The following BABAM2 variants were observed in gnomAD, a reference collection of about 807,000 sequenced individuals.
BABAM2 encodes BRISC and BRCA1-A complex member 2.
A neutral mutation model predicts 54.7 loss-of-function variants in BABAM2; 31 were observed. The observed-to-expected ratio is 0.57, with a 90% CI of 0.43 to 0.77. BABAM2 has a LOEUF of 0.77. BABAM2 is among the 30% of genes least tolerant of loss of function. The pLI is 0.00. For synonymous variants in BABAM2, 167 were observed against 162.9 expected (o/e 1.03, Z -0.19); for missense variants, 364 against 455.8 (o/e 0.80, Z 1.83).
chr2:28,307,311 T>C (rs1055030099), intron 11 of BABAM2, among the ~76,000 whole-genome samples: 1 of 151,906 alleles, frequency 6.6e-6, no homozygotes, highest in Non-Finnish European at 1.5e-5. Context: ...CTGGCCTTAA[T>C]TGGAGTATTT....
intron 2 of BABAM2, among the ~76,000 whole-genome samples, chr2:27,927,672 G>A (rs1037377316): frequency 4.6e-5 from 7 of 152,140 alleles, no homozygotes; most frequent in African/African-American, 1.7e-4. Context: ...AAAGGAAAAT[G>A]AGAAAGTATT....
chr2:27,892,870 G>A (rs1664977572), intron 1 of BABAM2, among the ~76,000 whole-genome samples: 1 of 152,176 alleles, frequency 6.6e-6, no homozygotes, highest in African/African-American at 2.4e-5. Context: ...TTACAAAAAG[G>A]ATGATTTTAG....
rs1015786510 is a variant in BABAM2 at position 28,087,537 on chromosome 2, C to T, written c.571-41734C>T. On this transcript the variant is annotated intron_variant, in intron 6 of 11. Coordinates refer to ENST00000379624, the MANE Select transcript of BABAM2 (RefSeq NM_199191.3). Reference sequence around the variant, plus strand: ...TGAAGCTTCTGGGCCCTCTGTCGTACGAGGGGTTCTCACCGTTTTGCAAGC... The same window carrying T: ...TGAAGCTTCTGGGCCCTCTGTCGTATGAGGGGTTCTCACCGTTTTGCAAGC... 2.1e-4 allele frequency among the ~76,000 whole-genome samples: 32 copies of T among 152,088 alleles called. 1 individual carries two copies. Among genetic ancestry groups the T allele is most frequent in the African/African-American group, 7.0e-4 (29 of 41,424 alleles).
intron 3 of BABAM2, among the ~76,000 whole-genome samples, chr2:27,972,670 CTT>C (rs1422818785): frequency 6.6e-6 from 1 of 151,634 alleles, no homozygotes; most frequent in East Asian, 1.9e-4. Context: ...TCACTGATAA[CTT>C]TTATATTGAT....
At chr2:27,889,335 TC>T (rs1178058605), upstream of BABAM2, among the ~76,000 whole-genome samples, 1 of 152,238 alleles carries the variant, frequency 6.6e-6, no homozygotes, top group East Asian at 1.9e-4. Flanking sequence ...AAGCAACATT[TC>T]AGGACGAATG....
chr2:27,935,396 A>G (rs116105927), intron 3 of BABAM2, among the ~76,000 whole-genome samples: 1,660 of 152,342 alleles, frequency 0.011, 25 homozygotes, highest in African/African-American at 0.038. Context: ...GAGAACTAGA[A>G]TTAGAAGTGG....
chr2:28,272,605 T>C (rs2148166727), intron 10 of BABAM2, among the ~76,000 whole-genome samples: 1 of 152,292 alleles, frequency 6.6e-6, no homozygotes, highest in East Asian at 1.9e-4. Flanking sequence ...AGTCAAGAAT[T>C]GGACAGAACT....
chr2:28,119,789 C>G (rs56016345), intron 6 of BABAM2, among the ~76,000 whole-genome samples: 6,051 of 152,102 alleles, frequency 0.04, 145 homozygotes, highest in South Asian at 0.12. Context: ...CTCAAAATGT[C>G]GCTTTTGGAA....
intron 7 of BABAM2, among the ~76,000 whole-genome samples, chr2:28,220,186 A>T (rs1211269357): frequency 6.6e-6 from 1 of 152,080 alleles, no homozygotes; most frequent in Admixed American, 6.5e-5. Flanking sequence ...GCAGCAGCGG[A>T]ATGTGTGGGT....
upstream of BABAM2, chr2:27,890,415 G>A: frequency 6.9e-7 from 1 of 1,443,262 alleles, no homozygotes; most frequent in Non-Finnish European, 9.5e-7. This position sits in a 1 kb window ranked among gnomAD's most constrained non-coding sequence, Gnocchi z 4.8. Flanking sequence ...AACCAGAGAC[G>A]CCACTCCTGC....
chr2:28,116,932 G>T (rs568123976), intron 6 of BABAM2, among the ~76,000 whole-genome samples: 1 of 152,220 alleles, frequency 6.6e-6, no homozygotes, highest in Non-Finnish European at 1.5e-5. Context: ...TCGTGTAGTT[G>T]TTGCATGATA....
intron 2 of BABAM2, among the ~76,000 whole-genome samples, chr2:27,921,948 G>A (rs113395049): frequency 0.016 from 2,480 of 152,186 alleles, 79 homozygotes; most frequent in African/African-American, 0.056. Flanking sequence ...ATCATGAAAA[G>A]AGTACAACAC....
chr2:27,933,774 T>TC (rs1668283879), intron 3 of BABAM2, among the ~76,000 whole-genome samples: 1 of 148,750 alleles, frequency 6.7e-6, no homozygotes, highest in East Asian at 1.9e-4. Flanking sequence ...GTTTTTTTTT[T>TC]TTTTTTTTTT....
intron 11 of BABAM2, among the ~76,000 whole-genome samples, chr2:28,334,942 G>A (rs552664926): frequency 8.9e-4 from 135 of 152,290 alleles, no homozygotes; most frequent in Non-Finnish European, 1.6e-3. Flanking sequence ...GCATGGTGCC[G>A]TTAATGGATA....
At chr2:27,972,691 G>C (rs1449494174) in intron 3 of BABAM2, among the ~76,000 whole-genome samples, 1 of 151,550 alleles carries the variant, frequency 6.6e-6, no homozygotes, top group Non-Finnish European at 1.5e-5. Context: ...ATGACATGTT[G>C]AAATGGTGTT....
chr2:28,273,684 A>C (rs1685632766), intron 10 of BABAM2, among the ~76,000 whole-genome samples: 1 of 152,116 alleles, frequency 6.6e-6, no homozygotes, highest in Non-Finnish European at 1.5e-5. Context: ...ATACCACTGC[A>C]CTCCAGCCTG....
At chr2:27,918,863 T>C in intron 2 of BABAM2, among the ~76,000 whole-genome samples, 1 of 152,096 alleles carries the variant, frequency 6.6e-6, no homozygotes, top group East Asian at 1.9e-4. Context: ...AACTTTTTGG[T>C]ATTTTTTGTA....
chr2:28,217,478 C>T (rs961593245), intron 7 of BABAM2, among the ~76,000 whole-genome samples: 1 of 152,174 alleles, frequency 6.6e-6, no homozygotes, highest in Non-Finnish European at 1.5e-5. Flanking sequence ...TTCACAGTAG[C>T]CCTGCGAACC....
At chr2:28,115,639 T>A (rs1460383225) in intron 6 of BABAM2, among the ~76,000 whole-genome samples, 1 of 150,068 alleles carries the variant, frequency 6.7e-6, no homozygotes, top group Non-Finnish European at 1.5e-5. Context: ...AATAAATAAA[T>A]AAAAATAAAT....
Sources: allele counts gnomAD v4.1 joint callset (sites outside exome capture counted in the v4.1 genomes callset), GRCh38; gene constraint gnomAD v4.1.1; non-coding constraint Gnocchi (gnomAD v3.1); transcripts MANE v1.5; gene names NCBI Gene and HGNC (gene_info 2026-07-23, HGNC 2026-07-21).